CNTNAP2: variants seen among roughly 807,000 people sequenced by gnomAD.
CNTNAP2 encodes contactin-associated protein-like 2.
In CNTNAP2, 98 loss-of-function variants were observed where a neutral mutation model predicts 155.2. The ratio of observed to expected loss-of-function variants is 0.63; its 90% CI spans 0.54 to 0.75. CNTNAP2 has a LOEUF of 0.75. Among genes scored for constraint, CNTNAP2 ranks in the 30% least tolerant of loss-of-function variants. The probability of loss-of-function intolerance (pLI) is 0.00; values close to 1 mark genes in which losing one functional copy is unlikely to be tolerated. For synonymous variants in CNTNAP2, 651 were observed against 631.2 expected, an observed-to-expected ratio of 1.03 and a Z score of -0.47; for missense variants, 1,727 against 1,688.1, an observed-to-expected ratio of 1.02 and a Z score of -0.40.
chr7:147,978,576 G>A lies in CNTNAP2; in HGVS notation c.2383+587G>A, dbSNP rs1412728303. Among the ~76,000 whole-genome samples the A allele has an allele frequency of 2.0e-5, 3 of 152,054 alleles. No homozygotes were observed. The East Asian group carries it at 5.8e-4, about 29-fold the overall frequency. On this transcript the variant is annotated intron_variant, in intron 15 of 23. Coordinates refer to ENST00000361727, the MANE Select transcript of CNTNAP2 (RefSeq NM_014141.6). ...GGGGCTGCTAGCTTGGACAGTGGGA[G>A]GTAAGGGAGTTGGAGTGATGGTCCC...
chr7:148,235,454 T>A (rs1183529746), intron 20 of CNTNAP2, among the ~76,000 whole-genome samples: 1 of 152,166 alleles, frequency 6.6e-6, no homozygotes, highest in East Asian at 1.9e-4. Context: ...AAAAGGAAAG[T>A]TCTCTGGTCT....
chr7:147,779,469 T>G (rs1450183174), intron 13 of CNTNAP2, among the ~76,000 whole-genome samples: 1 of 152,216 alleles, frequency 6.6e-6, no homozygotes, highest in Non-Finnish European at 1.5e-5. Context: ...GATCTCTGTC[T>G]TTACATATAA....
chr7:148,399,394 C>T (rs753536060), intron 22 of CNTNAP2, among the ~76,000 whole-genome samples: 26 of 152,176 alleles, frequency 1.7e-4, no homozygotes, highest in Non-Finnish European at 2.9e-4. Context: ...TCAGCCTGAG[C>T]AACATAGCAA....
chr7:148,395,110 T>C (rs1400100592), intron 22 of CNTNAP2, among the ~76,000 whole-genome samples: 1 of 148,282 alleles, frequency 6.7e-6, no homozygotes, highest in African/African-American at 2.6e-5. Flanking sequence ...ATATTGAATG[T>C]TTCTGTTGAC....
intron 11 of CNTNAP2, among the ~76,000 whole-genome samples, chr7:147,526,340 G>A (rs1799318928): frequency 6.6e-6 from 1 of 152,150 alleles, no homozygotes; most frequent in Admixed American, 6.5e-5. Flanking sequence ...TGTGGACTAA[G>A]GAGGTAGAAG....
chr7:146,316,414 G>A (rs1235459166), intron 1 of CNTNAP2, among the ~76,000 whole-genome samples: 3 of 152,026 alleles, frequency 2.0e-5, no homozygotes, highest in Non-Finnish European at 4.4e-5. Context: ...GTCTTGAACC[G>A]ACAGACATTT....
Position 146,513,482 on chromosome 7 carries a change from A to G in CNTNAP2, c.98-260789A>G, listed in dbSNP as rs1368143218. ...GTGTCTCTTATACCATGAAGCTTATAAAAAATCTTATAGCTATATAAAGCT... is the reference window on the plus strand; with the variant it reads ...GTGTCTCTTATACCATGAAGCTTATGAAAAATCTTATAGCTATATAAAGCT... On this transcript the variant is annotated intron_variant, in intron 1 of 23. Coordinates refer to ENST00000361727, the MANE Select transcript of CNTNAP2 (RefSeq NM_014141.6). Among the ~76,000 whole-genome samples the G allele has an allele frequency of 4.6e-5, 7 of 151,910 alleles. No individual in the cohort carries two copies. In the East Asian group the frequency reaches 1.4e-3, roughly 29 times the overall value.
intron 13 of CNTNAP2, among the ~76,000 whole-genome samples, chr7:147,663,326 T>G (rs892362171): frequency 6.6e-5 from 10 of 152,236 alleles, no homozygotes; most frequent in Admixed American, 3.3e-4. Context: ...TCCTTGCATG[T>G]GGCTCTGTAT....
intron 1 of CNTNAP2, among the ~76,000 whole-genome samples, chr7:146,506,786 A>T (rs570510352): frequency 1.3e-5 from 2 of 152,300 alleles, no homozygotes; most frequent in South Asian, 4.1e-4. Context: ...CAACCTATTG[A>T]CTACTTTGTC....
At chr7:147,012,301 T>C (rs1001993161) in intron 3 of CNTNAP2, among the ~76,000 whole-genome samples, 4 of 152,154 alleles carry the variant, frequency 2.6e-5, no homozygotes, top group African/African-American at 4.8e-5. Context: ...TATAAGAGCA[T>C]ATTCTTGTTT....
intron 8 of CNTNAP2, among the ~76,000 whole-genome samples, chr7:147,245,924 C>T (rs1412411061): frequency 6.6e-6 from 1 of 150,554 alleles, no homozygotes; most frequent in African/African-American, 2.4e-5. Context: ...CATATATATG[C>T]ACACATGTAT....
chr7:147,810,022 G>A (rs1798155318), intron 13 of CNTNAP2, among the ~76,000 whole-genome samples: 1 of 152,134 alleles, frequency 6.6e-6, no homozygotes, highest in Admixed American at 6.5e-5. Flanking sequence ...CTCATCTCAA[G>A]CCAGCTCTAT....
intron 1 of CNTNAP2, among the ~76,000 whole-genome samples, chr7:146,269,712 CT>C (rs1800049829): frequency 6.6e-6 from 1 of 152,172 alleles, no homozygotes; most frequent in Admixed American, 6.5e-5. Flanking sequence ...TAAATAATTA[CT>C]TAAACAAATG....
rs1800088943 is a variant in CNTNAP2 at position 147,912,791 on chromosome 7, T to C, written c.2255+9070T>C. ...TTCTTCATCCCAAGCCCTACCTCAGTTCCTACAGGAGGAACATTTGCTTCT... is the reference window on the plus strand; with the variant it reads ...TTCTTCATCCCAAGCCCTACCTCAGCTCCTACAGGAGGAACATTTGCTTCT... On this transcript the variant is annotated intron_variant, in intron 14 of 23. Coordinates refer to ENST00000361727, the MANE Select transcript of CNTNAP2 (RefSeq NM_014141.6). Among the ~76,000 whole-genome samples the C allele has an allele frequency of 3.3e-5, 5 of 152,256 alleles. No individual in the cohort carries two copies. In the South Asian group the frequency reaches 1.0e-3, roughly 32 times the overall value.
intron 10 of CNTNAP2, among the ~76,000 whole-genome samples, chr7:147,400,023 T>G (rs980829952): frequency 6.6e-6 from 1 of 152,208 alleles, no homozygotes; most frequent in African/African-American, 2.4e-5. Context: ...TCTCTTTTAC[T>G]CATTTCTAGA....
intron 2 of CNTNAP2, among the ~76,000 whole-genome samples, chr7:146,781,152 C>T (rs549146541): frequency 6.8e-6 from 1 of 148,018 alleles, no homozygotes; most frequent in Non-Finnish European, 1.5e-5. Flanking sequence ...GGCCTGAACC[C>T]GGGAGGCGGA....
intron 10 of CNTNAP2, among the ~76,000 whole-genome samples, chr7:147,421,364 A>G (rs1360167227): frequency 6.6e-6 from 1 of 152,116 alleles, no homozygotes; most frequent in Non-Finnish European, 1.5e-5. Context: ...GATGGTAGAC[A>G]TTGTAGAGTT....
chr7:146,316,943 C>A (rs1800917544), intron 1 of CNTNAP2, among the ~76,000 whole-genome samples: 2 of 129,030 alleles, frequency 1.6e-5, no homozygotes, highest in African/African-American at 9.1e-5. Context: ...AATGGGGATT[C>A]ATTCATTCAT....
rs769487232 is a variant in CNTNAP2, at chr7:147,044,070, T to A, written c.550+16T>A. 2 of 1,613,934 alleles carry A rather than the reference T, an allele frequency of 1.2e-6. No individual in the cohort carries two copies. The highest frequency in any genetic ancestry group is 1.1e-5 in the South Asian group (1 of 91,070). On this transcript the variant is annotated intron_variant, in intron 4 of 23. Transcript: ENST00000361727. ...TGTTCTTACTGTGAGTATCGTATTG[T>A]TTAAATTTGTGGCAGGTTTTATCTT...
Sources: allele counts gnomAD v4.1 joint callset (sites outside exome capture counted in the v4.1 genomes callset), GRCh38; gene constraint gnomAD v4.1.1; transcripts MANE v1.5; gene names NCBI Gene and HGNC (gene_info 2026-07-23, HGNC 2026-07-21).